Variants in TMEM108 observed in about 807,000 individuals in gnomAD.
The protein encoded by TMEM108 is transmembrane protein 108, also known as cancer/testis antigen 124.
A neutral mutation model predicts 35.1 loss-of-function variants in TMEM108; 12 were observed. That is an observed-to-expected ratio of 0.34 (90% confidence interval 0.22 to 0.55). The LOEUF (loss-of-function observed/expected upper bound fraction) is 0.55. Ranked by LOEUF, TMEM108 falls within the 20% of genes least tolerant of loss-of-function variation. TMEM108 has a pLI of 0.89. For missense variants in TMEM108, 680 were observed against 753.3 expected, an observed-to-expected ratio of 0.90 and a Z score of 1.14; for synonymous variants, 287 against 308.6, an observed-to-expected ratio of 0.93 and a Z score of 0.73.
At chr3:133,071,393 T>C (rs1267066542) in intron 2 of TMEM108, among the ~76,000 whole-genome samples, 3 of 152,162 alleles carry the variant, frequency 2.0e-5, no homozygotes, top group African/African-American at 4.8e-5. Flanking sequence ...CTTCCTCTTA[T>C]GAGAACACCA....
At chr3:133,393,866 G>C (rs2073269145) in intron 5 of TMEM108, among the ~76,000 whole-genome samples, 1 of 152,202 alleles carries the variant, frequency 6.6e-6, no homozygotes, top group South Asian at 2.1e-4. Flanking sequence ...ATTTGGCACA[G>C]AGCACGAGGG....
intron 2 of TMEM108, among the ~76,000 whole-genome samples, chr3:133,168,326 T>G (rs1276016492): frequency 2.0e-5 from 3 of 152,142 alleles, no homozygotes; most frequent in Admixed American, 6.5e-5. Context: ...AGCTGAGAAG[T>G]CTAAAGTTAA....
At chr3:133,115,424 A>G (rs1559836870) in intron 2 of TMEM108, among the ~76,000 whole-genome samples, 2 of 152,230 alleles carry the variant, frequency 1.3e-5, no homozygotes, top group Non-Finnish European at 2.9e-5. Flanking sequence ...TAACCCCAAG[A>G]GGAAAATGCC....
chr3:133,199,235 TCC>T (rs1945624121), intron 2 of TMEM108, among the ~76,000 whole-genome samples: 1 of 152,220 alleles, frequency 6.6e-6, no homozygotes, highest in African/African-American at 2.4e-5. Context: ...GGTTCGAACT[TCC>T]TCCTTTAGCT....
intron 2 of TMEM108, among the ~76,000 whole-genome samples, chr3:133,169,505 G>T (rs1054828681): frequency 2.0e-5 from 3 of 152,240 alleles, no homozygotes; most frequent in Non-Finnish European, 4.4e-5. Context: ...GAATGCTGCA[G>T]ATTTCTGAGC....
chr3:133,181,174 G>A (rs537088955), intron 2 of TMEM108, among the ~76,000 whole-genome samples: 52 of 152,152 alleles, frequency 3.4e-4, no homozygotes, highest in Non-Finnish European at 5.6e-4. Context: ...ATTGACACAG[G>A]AAGCTGGGCA....
intron 2 of TMEM108, among the ~76,000 whole-genome samples, chr3:133,210,170 G>C (rs1945815583): frequency 6.6e-6 from 1 of 152,124 alleles, no homozygotes; most frequent in Non-Finnish European, 1.5e-5. Context: ...AGAATAAGTG[G>C]GCCTGGCCTC....
rs972099107 is a variant in TMEM108, at chr3:133,388,324, T to C, written c.1451-1856T>C. 6 of 983,400 alleles carry C rather than the reference T, an allele frequency of 6.1e-6. No homozygotes were observed. The African/African-American group carries it at 1.0e-4, about 17-fold the overall frequency. The allele number at this position is 983,400 out of a possible 1,614,324, so 60.9% of individuals were successfully genotyped here. ...CGGGATCTTGTCCCAGCTCTGCCACTCACATACCTGTGACCTGTGGCAAGG... is the reference window on the plus strand; with the variant it reads ...CGGGATCTTGTCCCAGCTCTGCCACCCACATACCTGTGACCTGTGGCAAGG... On this transcript the variant is annotated intron_variant, in intron 4 of 5. Coordinates refer to ENST00000321871, the MANE Select transcript of TMEM108 (RefSeq NM_023943.4).
chr3:133,181,027 A>AAAAAAAC (rs1945333821), intron 2 of TMEM108, among the ~76,000 whole-genome samples: 1 of 144,820 alleles, frequency 6.9e-6, no homozygotes, highest in Non-Finnish European at 1.5e-5. Context: ...AAAAAAAAAA[A>AAAAAAAC]AAAAAAAAAA....
At chr3:133,099,836 A>C (rs1206244888) in intron 2 of TMEM108, among the ~76,000 whole-genome samples, 1 of 152,188 alleles carries the variant, frequency 6.6e-6, no homozygotes, top group Non-Finnish European at 1.5e-5. Context: ...AAAGCCATTC[A>C]ACAAGTCTCT....
chr3:133,188,640 G>T (rs1030962276), intron 2 of TMEM108, among the ~76,000 whole-genome samples: 2 of 152,074 alleles, frequency 1.3e-5, no homozygotes, highest in African/African-American at 4.8e-5. Flanking sequence ...GACACTATTG[G>T]CTTCCTAAGG....
intron 5 of TMEM108, among the ~76,000 whole-genome samples, chr3:133,390,625 G>A (rs3732572): frequency 0.46 from 69,907 of 151,914 alleles, 16,312 homozygotes; most frequent in East Asian, 0.56. Flanking sequence ...CCTGTTTTGT[G>A]CCGAGCACTC....
At chr3:133,386,609 A>T (rs2073153907) in intron 4 of TMEM108, 1 of 1,439,742 alleles carries the variant, frequency 6.9e-7, no homozygotes, top group Admixed American at 2.6e-5. Flanking sequence ...ACTCAAGGAA[A>T]TTGGGACTCC....
At chr3:133,329,096 T>A (rs1336155182) in intron 3 of TMEM108, among the ~76,000 whole-genome samples, 1 of 151,594 alleles carries the variant, frequency 6.6e-6, no homozygotes, top group Non-Finnish European at 1.5e-5. Flanking sequence ...TGGAATATAG[T>A]AAATAAGTGT....
intron 2 of TMEM108, among the ~76,000 whole-genome samples, chr3:133,053,000 T>TG (rs1189119827): frequency 6.6e-6 from 1 of 152,152 alleles, no homozygotes; most frequent in Non-Finnish European, 1.5e-5. Flanking sequence ...TCAGGGAAGA[T>TG]GCAGGTGCTC....
chr3:133,123,271 C>G (rs766225297), intron 2 of TMEM108, among the ~76,000 whole-genome samples: 1 of 152,104 alleles, frequency 6.6e-6, no homozygotes, highest in Non-Finnish European at 1.5e-5. Context: ...CCAGTTTTAT[C>G]TTGTTGCAAA....
At chr3:133,079,955 A>G (rs527968708) in intron 2 of TMEM108, among the ~76,000 whole-genome samples, 5 of 152,270 alleles carry the variant, frequency 3.3e-5, no homozygotes, top group East Asian at 1.9e-4. Context: ...GCCTCACTCC[A>G]ATGCTTGGGG....
In TMEM108 at chr3:133,190,640, G is replaced by A. The variant is rs1018106561; in HGVS notation, c.-46-38626G>A. 2.6e-5 allele frequency among the ~76,000 whole-genome samples: 4 copies of A among 152,144 alleles called. No homozygotes were observed. In the South Asian group the frequency reaches 6.2e-4, roughly 24 times the overall value. ...GAGCTTCTTTAAAAACAGAGCTGTGGAGAAATCACTTGCCTTCCTGTTTTA... is the reference window on the plus strand; with the variant it reads ...GAGCTTCTTTAAAAACAGAGCTGTGAAGAAATCACTTGCCTTCCTGTTTTA... On this transcript the variant is annotated intron_variant, in intron 2 of 5. Transcript: ENST00000321871.
chr3:133,112,029 A>C (rs1944231071), intron 2 of TMEM108, among the ~76,000 whole-genome samples: 1 of 152,152 alleles, frequency 6.6e-6, no homozygotes, highest in Admixed American at 6.6e-5. Context: ...GAGAGTTTAT[A>C]TGCTTTATCC....
Sources: allele counts gnomAD v4.1 joint callset (sites outside exome capture counted in the v4.1 genomes callset), GRCh38; gene constraint gnomAD v4.1.1; transcripts MANE v1.5; gene names NCBI Gene and HGNC (gene_info 2026-07-23, HGNC 2026-07-21).